ZNF385D: variants seen among roughly 807,000 people sequenced by gnomAD.
ZNF385D encodes the protein zinc finger protein 385D, also known as zinc finger protein 659.
A neutral mutation model predicts 35.8 loss-of-function variants in ZNF385D; 15 were observed. That is an observed-to-expected ratio of 0.42 (90% CI 0.28 to 0.64). The LOEUF is 0.64. Among genes scored for constraint, ZNF385D ranks in the 30% least tolerant of loss-of-function variants. The pLI is 0.23. For synonymous variants in ZNF385D, 212 were observed against 186.8 expected, an observed-to-expected ratio of 1.13 and a Z score of -1.10; for missense variants, 474 against 494.6, an observed-to-expected ratio of 0.96 and a Z score of 0.39.
At chr3:21,563,858 C>G (rs763636728) in intron 3 of ZNF385D, among the ~76,000 whole-genome samples, 1 of 152,076 alleles carries the variant, frequency 6.6e-6, no homozygotes, top group African/African-American at 2.4e-5. Flanking sequence ...AGAAGACATA[C>G]ATTTTTTTTT....
chr3:22,000,363 G>A (rs934131221), intron 3 of ZNF385D, among the ~76,000 whole-genome samples: 1 of 151,968 alleles, frequency 6.6e-6, no homozygotes, highest in African/African-American at 2.4e-5. Flanking sequence ...GTGACCTCTG[G>A]TCATCCTCAC....
At chr3:22,045,653 G>A (rs1216691380) in intron 3 of ZNF385D, among the ~76,000 whole-genome samples, 1 of 152,160 alleles carries the variant, frequency 6.6e-6, no homozygotes, top group African/African-American at 2.4e-5. Context: ...GAGTAAAGGT[G>A]GTATTTTAAA....
chr3:21,664,521 A>C (rs767971850), intron 2 of ZNF385D, among the ~76,000 whole-genome samples: 9 of 152,208 alleles, frequency 5.9e-5, no homozygotes, highest in Non-Finnish European at 1.2e-4. Flanking sequence ...AGATAGAAGA[A>C]ACACATTTTT....
intron 3 of ZNF385D, among the ~76,000 whole-genome samples, chr3:21,916,705 T>C (rs750917794): frequency 2.6e-5 from 4 of 152,242 alleles, no homozygotes; most frequent in Non-Finnish European, 5.9e-5. Context: ...TACTAAATTT[T>C]GGAAAAGGTC....
At chr3:21,974,420 A>T (rs949021546) in intron 3 of ZNF385D, among the ~76,000 whole-genome samples, 1 of 152,136 alleles carries the variant, frequency 6.6e-6, no homozygotes, top group African/African-American at 2.4e-5. Context: ...TACAAAAATC[A>T]TACCAAAATG....
At chr3:21,761,385 T>C (rs1158271424) in intron 3 of ZNF385D, among the ~76,000 whole-genome samples, 2 of 152,234 alleles carry the variant, frequency 1.3e-5, no homozygotes, top group East Asian at 1.9e-4. Context: ...TAATACATGA[T>C]GGAACTTTAT....
intron 3 of ZNF385D, among the ~76,000 whole-genome samples, chr3:22,088,236 G>A (rs1701146950): frequency 6.6e-6 from 1 of 152,178 alleles, no homozygotes; most frequent in African/African-American, 2.4e-5. Flanking sequence ...AAATGCTGAA[G>A]GAGAAAGTGA....
intron 1 of ZNF385D, among the ~76,000 whole-genome samples, chr3:21,684,940 G>A (rs947408106): frequency 6.6e-6 from 1 of 152,150 alleles, no homozygotes; most frequent in Admixed American, 6.6e-5. Context: ...CAGCAAACTC[G>A]TATGGCAATT....
At chr3:22,247,997 A>G (rs1266583066) in intron 2 of ZNF385D, among the ~76,000 whole-genome samples, 1 of 152,178 alleles carries the variant, frequency 6.6e-6, no homozygotes, top group Non-Finnish European at 1.5e-5. Context: ...CTTTATATAA[A>G]TAAGTTCACA....
chr3:21,848,631 T>C (rs1430480654), intron 3 of ZNF385D, among the ~76,000 whole-genome samples: 1 of 151,566 alleles, frequency 6.6e-6, no homozygotes, highest in Non-Finnish European at 1.5e-5. Flanking sequence ...AATTGGACAA[T>C]CTAAAAGAAA....
intron 2 of ZNF385D, among the ~76,000 whole-genome samples, chr3:21,617,033 T>C (rs964377501): frequency 2.6e-5 from 4 of 152,146 alleles, no homozygotes; most frequent in South Asian, 4.1e-4. Flanking sequence ...CTATCACATA[T>C]GTTAAAATAC....
intron 3 of ZNF385D, among the ~76,000 whole-genome samples, chr3:22,013,608 G>A (rs1051318692): frequency 2.0e-5 from 3 of 152,080 alleles, no homozygotes; most frequent in African/African-American, 2.4e-5. Flanking sequence ...AAATCAAGTC[G>A]ACCACTAGGA....
chr3:22,066,508 A>G (rs1442444478), intron 3 of ZNF385D, among the ~76,000 whole-genome samples: 1 of 111,218 alleles, frequency 9.0e-6, no homozygotes, highest in Admixed American at 9.1e-5. Context: ...CTGTAAGTAA[A>G]AAGATACTGG....
At chr3:21,681,746 A>T (rs2066918935) in intron 1 of ZNF385D, among the ~76,000 whole-genome samples, 1 of 152,102 alleles carries the variant, frequency 6.6e-6, no homozygotes, top group African/African-American at 2.4e-5. Context: ...CAACCAAAAA[A>T]ATCATGTGTA....
intron 3 of ZNF385D, among the ~76,000 whole-genome samples, chr3:21,879,875 T>C (rs933406097): frequency 2.0e-5 from 3 of 151,988 alleles, no homozygotes; most frequent in South Asian, 2.1e-4. Context: ...ACTTTTTTAA[T>C]GGTTTCATCT....
At chr3:22,309,485 T>G (rs147342660) in intron 2 of ZNF385D, among the ~76,000 whole-genome samples, 1 of 152,076 alleles carries the variant, frequency 6.6e-6, no homozygotes, top group African/African-American at 2.4e-5. Context: ...CTCGACTATA[T>G]AGAGAGTATT....
intron 3 of ZNF385D, among the ~76,000 whole-genome samples, chr3:22,007,424 A>G (rs968424595): frequency 6.6e-6 from 1 of 152,214 alleles, no homozygotes; most frequent in African/African-American, 2.4e-5. Flanking sequence ...CCAAATTTGC[A>G]ATTTCTAATA....
intron 3 of ZNF385D, among the ~76,000 whole-genome samples, chr3:22,157,179 G>C (rs1705641933): frequency 6.6e-6 from 1 of 152,058 alleles, no homozygotes; most frequent in South Asian, 2.1e-4. Flanking sequence ...CCAGTTACAT[G>C]ACCTTTGGCA....
chr3:22,011,267 T>G (rs889271421), intron 3 of ZNF385D, among the ~76,000 whole-genome samples: 1 of 152,166 alleles, frequency 6.6e-6, no homozygotes, highest in African/African-American at 2.4e-5. Context: ...AGATGGTTAT[T>G]TTAAAATATC....
Sources: gnomAD v4.1 joint callset for allele counts (sites outside exome capture counted in the v4.1 genomes callset) on GRCh38, gnomAD v4.1.1 for gene constraint, MANE v1.5 for transcripts, NCBI Gene and HGNC (gene_info 2026-07-23, HGNC 2026-07-21) for gene names.